ADCY5: variants seen among roughly 807,000 people sequenced by gnomAD.
The protein encoded by ADCY5 is adenylate cyclase 5.
A neutral mutation model predicts 119.7 loss-of-function variants in ADCY5; 30 were observed. The observed-to-expected ratio is 0.25, with a 90% confidence interval of 0.19 to 0.34. The LOEUF (loss-of-function observed/expected upper bound fraction) is 0.34, where lower values mean the gene tolerates loss of function less well. Among genes scored for constraint, ADCY5 ranks in the 10% least tolerant of loss-of-function variants. The pLI is 1.00. For missense variants in ADCY5, 1,324 were observed against 1,775.2 expected, an observed-to-expected ratio of 0.75 and a Z score of 4.57; for synonymous variants, 753 against 762.2, an observed-to-expected ratio of 0.99 and a Z score of 0.20.
intron 3 of ADCY5, among the ~76,000 whole-genome samples, chr3:123,337,704 T>C (rs1942087574): frequency 6.6e-6 from 1 of 152,240 alleles, no homozygotes; most frequent in Non-Finnish European, 1.5e-5. Flanking sequence ...CCTACTCCAG[T>C]ATGACCTCAT....
chr3:123,342,859 G>A (rs559374748), intron 3 of ADCY5, among the ~76,000 whole-genome samples: 12 of 152,174 alleles, frequency 7.9e-5, no homozygotes, highest in Non-Finnish European at 1.6e-4. Flanking sequence ...CCTTTGGGGT[G>A]TTGAGTTACC....
At chr3:123,382,714 T>C (rs1044834701) in intron 1 of ADCY5, among the ~76,000 whole-genome samples, 8 of 152,026 alleles carry the variant, frequency 5.3e-5, no homozygotes, top group Non-Finnish European at 1.0e-4. Flanking sequence ...GTCAAAATCA[T>C]AGAGACAGAA....
At chr3:123,323,081 C>T (rs1192663767) in intron 8 of ADCY5, among the ~76,000 whole-genome samples, 3 of 152,214 alleles carry the variant, frequency 2.0e-5, no homozygotes, top group Non-Finnish European at 4.4e-5. Flanking sequence ...GATATTCCCA[C>T]GGGCCACGCT....
intron 1 of ADCY5, among the ~76,000 whole-genome samples, chr3:123,396,819 C>CGAGAGA (rs146072347): frequency 5.1e-4 from 32 of 62,334 alleles, no homozygotes; most frequent in East Asian, 3.3e-3. Context: ...GGCAGGCAGG[C>CGAGAGA]GAGAGAGAGA....
intron 12 of ADCY5, among the ~76,000 whole-genome samples, chr3:123,304,926 A>T (rs1455505264): frequency 6.6e-6 from 1 of 152,082 alleles, no homozygotes; most frequent in African/African-American, 2.4e-5. Flanking sequence ...ACCTAGGCTG[A>T]AAAAGAATCT....
Position 123,361,509 on chromosome 3 carries a change from C to A in ADCY5, c.1135-8928G>T, listed in dbSNP as rs1316969122. On this transcript the variant is annotated intron_variant, in intron 1 of 20. Transcript: ENST00000462833. ...CACCCCACCCTCCCCCAGCTCCTGG[C>A]AACCACGAACCTACTTTCCACACCT... Among the ~76,000 whole-genome samples, 7 of 138,360 alleles carry A rather than the reference C, an allele frequency of 5.1e-5. No individual in the cohort carries two copies. In the East Asian group the frequency reaches 1.5e-3, roughly 29 times the overall value. The allele number at this position is 138,360 out of a possible 152,430, so 90.8% of individuals were successfully genotyped here.
intron 1 of ADCY5, among the ~76,000 whole-genome samples, chr3:123,396,315 T>A (rs184859011): frequency 0.011 from 631 of 57,724 alleles, 8 homozygotes; most frequent in African/African-American, 0.041. Flanking sequence ...GAAAGAAAGA[T>A]GAAAAAGGAA....
intron 1 of ADCY5, among the ~76,000 whole-genome samples, chr3:123,398,130 C>T (rs1431003816): frequency 6.6e-6 from 1 of 152,228 alleles, no homozygotes; most frequent in African/African-American, 2.4e-5. Flanking sequence ...CTGCACACAG[C>T]ATTGGCAACC....
intron 3 of ADCY5, among the ~76,000 whole-genome samples, chr3:123,340,549 T>C (rs1012382610): frequency 6.6e-6 from 1 of 152,172 alleles, no homozygotes; most frequent in Non-Finnish European, 1.5e-5. Context: ...CTTCCCTCCC[T>C]TCTTATCTCC....
rs1943441624 is a variant in ADCY5 at position 123,366,453 on chromosome 3, A to G, written c.1135-13872T>C. Among the ~76,000 whole-genome samples the G allele has an allele frequency of 2.0e-5, 3 of 152,348 alleles. No homozygotes were observed. In the South Asian group the frequency reaches 6.2e-4, roughly 32 times the overall value. On this transcript the variant is annotated intron_variant, in intron 1 of 20. Transcript: ENST00000462833. ...CGATTTCAGATGGTACACCCAGCAC[A>G]GCCACTCTCTGTGGCTTTCAGAAAC...
At chr3:123,408,154 T>C (rs1944951360) in intron 1 of ADCY5, among the ~76,000 whole-genome samples, 1 of 152,156 alleles carries the variant, frequency 6.6e-6, no homozygotes, top group South Asian at 2.1e-4. Flanking sequence ...AGTTCCATGT[T>C]TGATGCCTGG....
chr3:123,327,583 G>A (rs1380216732), intron 7 of ADCY5, 35 bp downstream of exon 7: 5 of 1,595,940 alleles, frequency 3.1e-6, no homozygotes, highest in South Asian at 1.1e-5. Context: ...TGGAGGAAGG[G>A]AGCCCCTCAG....
chr3:123,436,503 C>T lies in ADCY5; in HGVS notation c.1134+10909G>A, dbSNP rs575665054. Among the ~76,000 whole-genome samples, 13 of 152,148 alleles carry T rather than the reference C, an allele frequency of 8.5e-5. 1 individual carries two copies. The South Asian group carries it at 2.7e-3, about 32-fold the overall frequency. On this transcript the variant is annotated intron_variant, in intron 1 of 20. Coordinates refer to ENST00000462833, the MANE Select transcript of ADCY5 (RefSeq NM_183357.3). ...GGCAGATGACCTGAGGTCAGGAGTT[C>T]GAGACCAGCCTGGCCAACATGCCAA... is the stretch of plus-strand genomic sequence containing the variant.
intron 1 of ADCY5, among the ~76,000 whole-genome samples, chr3:123,441,356 T>C (rs1945718224): frequency 6.6e-6 from 1 of 152,174 alleles, no homozygotes; most frequent in Non-Finnish European, 1.5e-5. Flanking sequence ...CCATCCAAAC[T>C]TTCACCAAGC....
intron 1 of ADCY5, among the ~76,000 whole-genome samples, chr3:123,413,226 G>A (rs912897164): frequency 6.6e-6 from 1 of 152,200 alleles, no homozygotes; most frequent in Non-Finnish European, 1.5e-5. Context: ...GTGACCTTTC[G>A]GAAGGCAGGA....
chr3:123,407,766 A>C lies in ADCY5; in HGVS notation c.1134+39646T>G, dbSNP rs1406391888. ...GGGCAACAGAGTGAGACCCTGTCTC[A>C]AAAAAAAAAAAAGTTGCAAAGTGAA... On this transcript the variant is annotated intron_variant, in intron 1 of 20. Coordinates refer to ENST00000462833, the MANE Select transcript of ADCY5 (RefSeq NM_183357.3). Among the ~76,000 whole-genome samples the C allele has an allele frequency of 2.2e-5, 3 of 136,802 alleles. 1 individual carries two copies. In the East Asian group the frequency reaches 6.3e-4, roughly 29 times the overall value. The allele number at this position is 136,802 out of a possible 152,430, so 89.7% of individuals were successfully genotyped here. A position where few individuals can be genotyped will look rare whatever the true frequency, so the allele number is the denominator to read the frequency against.
intron 1 of ADCY5, among the ~76,000 whole-genome samples, chr3:123,442,303 C>T (rs1373144456): frequency 1.3e-5 from 2 of 152,218 alleles, no homozygotes; most frequent in Non-Finnish European, 2.9e-5. Context: ...CAGCAAGAGG[C>T]TGCGCCATCA....
Position 123,332,550 on chromosome 3 carries a change from T to G in ADCY5, c.1518+14A>C, listed in dbSNP as rs1464739153. 1 of 1,601,378 alleles carries G rather than the reference T, an allele frequency of 6.2e-7. No homozygotes were observed. Among genetic ancestry groups the G allele is most frequent in the Admixed American group, 1.7e-5 (1 of 59,706 alleles). On this transcript the variant is annotated intron_variant, in intron 4 of 20. Coordinates refer to ENST00000462833, the MANE Select transcript of ADCY5 (RefSeq NM_183357.3). ...AGGTCAGGCCACCCCAACCCCCGGCTCAGGGTGACTCACTGCGGCCAGCTT... is the reference window on the plus strand; with the variant it reads ...AGGTCAGGCCACCCCAACCCCCGGCGCAGGGTGACTCACTGCGGCCAGCTT...
At chr3:123,440,840 G>A (rs1945709951) in intron 1 of ADCY5, among the ~76,000 whole-genome samples, 1 of 152,252 alleles carries the variant, frequency 6.6e-6, no homozygotes, top group South Asian at 2.1e-4. Context: ...GGGGCGAGGG[G>A]GCAAGAGAGA....
Sources: gnomAD v4.1 joint callset for allele counts (sites outside exome capture counted in the v4.1 genomes callset) on GRCh38, gnomAD v4.1.1 for gene constraint, MANE v1.5 for transcripts, NCBI Gene and HGNC (gene_info 2026-07-23, HGNC 2026-07-21) for gene names.